The following CSMD1 variants were observed in gnomAD, a reference collection of about 807,000 sequenced individuals.
CSMD1 encodes CUB and Sushi multiple domains 1, also known as CUB and sushi domain-containing protein 1.
A neutral mutation model predicts 417.5 loss-of-function variants in CSMD1; 213 were observed. The ratio of observed to expected loss-of-function variants is 0.51; its 90% confidence interval spans 0.46 to 0.57. The LOEUF is 0.57. CSMD1 is among the 20% of genes least tolerant of loss of function. CSMD1 has a pLI of 0.00. For missense variants in CSMD1, 6,923 were observed against 4,529.7 expected, an observed-to-expected ratio of 1.53 and a Z score of -15.17; for synonymous variants, 2,862 against 1,736.8, an observed-to-expected ratio of 1.65 and a Z score of -16.11.
chr8:3,868,997 T>G (rs906880281), intron 5 of CSMD1, among the ~76,000 whole-genome samples: 3 of 152,192 alleles, frequency 2.0e-5, no homozygotes, highest in Non-Finnish European at 4.4e-5. Context: ...GCCGATGGCT[T>G]TCCAGCTCTC....
chr8:3,732,803 C>T (rs558059957), intron 6 of CSMD1, among the ~76,000 whole-genome samples: 3 of 152,284 alleles, frequency 2.0e-5, no homozygotes, highest in South Asian at 4.2e-4. Context: ...GATTCCGTTT[C>T]ACCTGGCCTC....
chr8:3,481,217 C>G (rs1321247427), intron 11 of CSMD1, among the ~76,000 whole-genome samples: 1 of 145,390 alleles, frequency 6.9e-6, no homozygotes, highest in Non-Finnish European at 1.5e-5. Context: ...ATGGTTGGCT[C>G]AAGAACATTC....
At chr8:4,642,802 A>C (rs2130872111) in intron 1 of CSMD1, among the ~76,000 whole-genome samples, 1 of 152,116 alleles carries the variant, frequency 6.6e-6, no homozygotes, top group Admixed American at 6.5e-5. Flanking sequence ...GCTATTCAAA[A>C]CCTCTGTCTG....
intron 3 of CSMD1, among the ~76,000 whole-genome samples, chr8:4,264,853 A>G (rs117166578): frequency 3.9e-5 from 6 of 152,344 alleles, no homozygotes; most frequent in Non-Finnish European, 8.8e-5. Flanking sequence ...ATCCTAGATG[A>G]GTAAATTAAG....
intron 12 of CSMD1, among the ~76,000 whole-genome samples, chr8:3,465,816 G>C (rs930300702): frequency 5.9e-5 from 9 of 152,142 alleles, no homozygotes; most frequent in African/African-American, 1.9e-4. Flanking sequence ...TTCTTGCATA[G>C]CAGTTTGTCT....
intron 5 of CSMD1, among the ~76,000 whole-genome samples, chr8:3,973,444 T>C (rs1396817830): frequency 6.6e-6 from 1 of 152,228 alleles, no homozygotes; most frequent in African/African-American, 2.4e-5. Flanking sequence ...TAAAAATTTT[T>C]TGAAAATATG....
intron 1 of CSMD1, among the ~76,000 whole-genome samples, chr8:4,944,951 G>A (rs1373412861): frequency 2.6e-5 from 4 of 152,180 alleles, no homozygotes; most frequent in Non-Finnish European, 5.9e-5. Flanking sequence ...ATATTTGCAT[G>A]TCCACGTGTG....
At chr8:4,919,225 C>A (rs1806272531) in intron 1 of CSMD1, among the ~76,000 whole-genome samples, 1 of 152,186 alleles carries the variant, frequency 6.6e-6, no homozygotes. Context: ...GTAATTTAGT[C>A]ATAGCTACAA....
At chr8:3,619,028 C>G (rs1457548590) in intron 7 of CSMD1, among the ~76,000 whole-genome samples, 1 of 152,100 alleles carries the variant, frequency 6.6e-6, no homozygotes, top group African/African-American at 2.4e-5. Context: ...CTGTGACAAG[C>G]ACTGCTGTAT....
intron 1 of CSMD1, among the ~76,000 whole-genome samples, chr8:4,703,067 A>G (rs1004257219): frequency 1.2e-4 from 18 of 152,212 alleles, no homozygotes; most frequent in Non-Finnish European, 2.1e-4. Context: ...TAAGCAAATT[A>G]TTTTATACCA....
intron 5 of CSMD1, among the ~76,000 whole-genome samples, chr8:3,786,879 T>A (rs1486767244): frequency 6.6e-6 from 1 of 152,148 alleles, no homozygotes; most frequent in Non-Finnish European, 1.5e-5. Flanking sequence ...CACACCCTCC[T>A]GACCTAAAAG....
intron 1 of CSMD1, among the ~76,000 whole-genome samples, chr8:4,899,531 G>T (rs1804726176): frequency 6.6e-6 from 1 of 152,088 alleles, no homozygotes; most frequent in African/African-American, 2.4e-5. Context: ...AGAAGCAAAT[G>T]AGCGTATCTA....
At chr8:4,312,607 T>G (rs1352406381) in intron 3 of CSMD1, among the ~76,000 whole-genome samples, 1 of 147,938 alleles carries the variant, frequency 6.8e-6, no homozygotes, top group Admixed American at 6.6e-5. Context: ...CCAGGCACAG[T>G]GTCTCACGCC....
At chr8:4,155,948 G>A (rs75705706) in intron 3 of CSMD1, among the ~76,000 whole-genome samples, 162 of 152,276 alleles carry the variant, frequency 1.1e-3, no homozygotes, top group African/African-American at 3.7e-3. Context: ...TTCTGCAGCT[G>A]CACATTTTAA....
intron 4 of CSMD1, among the ~76,000 whole-genome samples, chr8:4,019,668 G>A (rs568068270): frequency 1.6e-4 from 25 of 152,276 alleles, no homozygotes; most frequent in Non-Finnish European, 3.2e-4. Flanking sequence ...TAAAGTGGCA[G>A]TTGTCTGAGA....
chr8:4,958,449 A>AGATAAAGGTAGATAAAGGTAGATAAAGG (rs1809264311), intron 1 of CSMD1, among the ~76,000 whole-genome samples: 1 of 152,224 alleles, frequency 6.6e-6, no homozygotes, highest in Non-Finnish European at 1.5e-5. Context: ...GGTTAAAAGT[A>AGATAAAGGTAGATAAAGGTAGATAAAGG]TTAACAGAAA....
intron 5 of CSMD1, among the ~76,000 whole-genome samples, chr8:3,954,694 C>G (rs1585027550): frequency 6.6e-6 from 1 of 152,248 alleles, no homozygotes; most frequent in Non-Finnish European, 1.5e-5. Flanking sequence ...TCCCCTCTTT[C>G]CCATGATTCT....
intron 12 of CSMD1, 127 bp from the exon 13 acceptor site, chr8:3,409,732 C>T: frequency 1.5e-6 from 1 of 679,570 alleles, no homozygotes; most frequent in Non-Finnish European, 2.4e-6. Flanking sequence ...TAAAGTGTTT[C>T]TAAAGGATAT....
intron 5 of CSMD1, among the ~76,000 whole-genome samples, chr8:3,824,149 C>T (rs754564569): frequency 1.3e-5 from 2 of 151,606 alleles, no homozygotes; most frequent in East Asian, 3.9e-4. Flanking sequence ...CCAGCCGAGT[C>T]AAACATTCCA....
Sources: gnomAD v4.1 joint callset for allele counts (sites outside exome capture counted in the v4.1 genomes callset) on GRCh38, gnomAD v4.1.1 for gene constraint, MANE v1.5 for transcripts, NCBI Gene and HGNC (gene_info 2026-07-23, HGNC 2026-07-21) for gene names.